The following SH3KBP1 variants were observed in gnomAD, a reference collection of about 807,000 sequenced individuals.
SH3KBP1 encodes the protein SH3 domain containing kinase binding protein 1.
In SH3KBP1, 8 loss-of-function variants were observed where a neutral mutation model predicts 50.1. That is an observed-to-expected ratio of 0.16 (90% CI 0.09 to 0.29). The LOEUF (loss-of-function observed/expected upper bound fraction) is 0.29, where lower values mean the gene tolerates loss of function less well. Ranked by LOEUF, SH3KBP1 falls within the 10% of genes least tolerant of loss-of-function variation. The pLI, the probability that SH3KBP1 is intolerant of heterozygous loss-of-function variation, is 1.00. For synonymous variants in SH3KBP1, 227 were observed against 218.6 expected, an observed-to-expected ratio of 1.04 and a Z score of -0.34; for missense variants, 377 against 535.2, an observed-to-expected ratio of 0.70 and a Z score of 2.92.
chrX:19,570,696 C>G (rs760759736), intron 12 of SH3KBP1, among the ~76,000 whole-genome samples: 35 of 111,893 alleles, frequency 3.1e-4, no homozygotes, highest in Non-Finnish European at 5.8e-4. Context: ...TGGCTCACAT[C>G]TATAATCCCA....
chrX:19,713,645 G>C (rs2063831808), intron 3 of SH3KBP1, among the ~76,000 whole-genome samples: 1 of 111,331 alleles, frequency 9.0e-6, no homozygotes, highest in African/African-American at 3.3e-5. Context: ...CATAGAATGT[G>C]TAGTGAACAA....
At chrX:19,874,063 A>T (rs1386566471) in intron 1 of SH3KBP1, among the ~76,000 whole-genome samples, 2 of 88,479 alleles carry the variant, frequency 2.3e-5, no homozygotes, top group East Asian at 6.1e-4. Flanking sequence ...AAAAAAAAAA[A>T]AAAAAATATA....
intron 1 of SH3KBP1, among the ~76,000 whole-genome samples, chrX:19,876,630 A>G (rs1211175035): frequency 9.0e-6 from 1 of 111,251 alleles, no homozygotes; most frequent in East Asian, 2.8e-4. Context: ...AAAGGAGGGG[A>G]AAATAACAGA....
intron 3 of SH3KBP1, among the ~76,000 whole-genome samples, chrX:19,739,287 C>T (rs1248499459): frequency 8.9e-6 from 1 of 112,052 alleles, no homozygotes; most frequent in African/African-American, 3.2e-5. Context: ...AAGAAGGGGG[C>T]TGCCTGTAGA....
chrX:19,770,874 T>G (rs192538409), intron 2 of SH3KBP1, among the ~76,000 whole-genome samples: 1 of 111,862 alleles, frequency 8.9e-6, no homozygotes, highest in Non-Finnish European at 1.9e-5. Context: ...TCATGTCCTT[T>G]GCCCACTTTT....
In SH3KBP1 at chrX:19,539,818, C is replaced by T. The variant is rs765507281; in HGVS notation, c.1893-2038G>A. ...ACCCTGGGCACGAAGGCCAGACTGA[C>T]GTAGGCAGCAAAAGGCAGGCCTTGG... is the stretch of plus-strand genomic sequence containing the variant. On this transcript the variant is annotated intron_variant, in intron 16 of 17. Coordinates refer to ENST00000397821, the MANE Select transcript of SH3KBP1 (RefSeq NM_031892.3). Among the ~76,000 whole-genome samples, 6 of 111,811 alleles carry T rather than the reference C, an allele frequency of 5.4e-5. No individual in the cohort carries two copies. The East Asian group carries it at 1.4e-3, about 26-fold the overall frequency.
At chrX:19,679,971 A>G (rs2063007551) in intron 6 of SH3KBP1, among the ~76,000 whole-genome samples, 1 of 112,120 alleles carries the variant, frequency 8.9e-6, no homozygotes, top group African/African-American at 3.3e-5. Context: ...ATGTTATACA[A>G]TATCTCTCCT....
chrX:19,580,524 G>T (rs1466570949), intron 12 of SH3KBP1, among the ~76,000 whole-genome samples: 2 of 111,574 alleles, frequency 1.8e-5, no homozygotes, highest in Non-Finnish European at 3.8e-5. Context: ...AGATGGCAGT[G>T]GTTCTCACAA....
intron 6 of SH3KBP1, among the ~76,000 whole-genome samples, chrX:19,654,146 T>A (rs935898354): frequency 1.8e-5 from 2 of 111,788 alleles, no homozygotes; most frequent in African/African-American, 6.5e-5. Context: ...TGTATACCAG[T>A]AGAATTTGAG....
chrX:19,694,859 C>T (rs974876239), intron 5 of SH3KBP1: 9 of 469,315 alleles, frequency 1.9e-5, no homozygotes, highest in Non-Finnish European at 2.5e-5. Flanking sequence ...GGAAATTCTG[C>T]AACCCCAGGT....
intron 2 of SH3KBP1, among the ~76,000 whole-genome samples, chrX:19,805,238 G>A (rs954498226): frequency 3.6e-5 from 4 of 110,509 alleles, no homozygotes; most frequent in Admixed American, 2.9e-4. Flanking sequence ...TGGCAGCATC[G>A]GCACTTGCAT....
chrX:19,567,861 C>CTTGA (rs1464053416), intron 13 of SH3KBP1, among the ~76,000 whole-genome samples: 1 of 109,884 alleles, frequency 9.1e-6, no homozygotes, highest in African/African-American at 3.3e-5. Context: ...AACTTATGAC[C>CTTGA]TTGATAGGTA....
chrX:19,573,454 T>C (rs1465932037), intron 12 of SH3KBP1, among the ~76,000 whole-genome samples: 1 of 105,790 alleles, frequency 9.5e-6, no homozygotes, highest in Non-Finnish European at 2.0e-5. Flanking sequence ...ATCAGGCTAA[T>C]TTTTGTATTT....
In SH3KBP1 at chrX:19,735,449, G is replaced by C. The variant is rs138805436; in HGVS notation, c.286+10869C>G. Among the ~76,000 whole-genome samples, 143 of 109,821 alleles carry C rather than the reference G, an allele frequency of 1.3e-3. 2 individuals carry two copies. The East Asian group carries it at 0.035, about 27-fold the overall frequency. Reference sequence around the variant, plus strand: ...TTTTTGTACATAGGCATTTGCAGCTGTCAGTTTCACTTGAAACACTGCTTT... The same window carrying C: ...TTTTTGTACATAGGCATTTGCAGCTCTCAGTTTCACTTGAAACACTGCTTT... On this transcript the variant is annotated intron_variant, in intron 3 of 17. Transcript: ENST00000397821.
Position 19,577,680 on chromosome X carries a change from A to G in SH3KBP1, c.1299-8492T>C, listed in dbSNP as rs375060763. On this transcript the variant is annotated intron_variant, in intron 12 of 17. Transcript: ENST00000397821. ...GTACAGACAAGGTGTTGAAGTGCAC[A>G]GGAAGCCAAGGCAAGCAAACAAACA... 1.5e-4 allele frequency among the ~76,000 whole-genome samples: 17 copies of G among 110,570 alleles called. 1 individual carries two copies. The East Asian group carries it at 3.4e-3, about 22-fold the overall frequency.
chrX:19,735,727 G>GT (rs1308041638), intron 3 of SH3KBP1, among the ~76,000 whole-genome samples: 1 of 71,312 alleles, frequency 1.4e-5, no homozygotes, highest in African/African-American at 5.7e-5. Flanking sequence ...TTTTTGGCGG[G>GT]GGGGGGGGGT....
At chrX:19,545,841 T>C (rs1953015127) in intron 15 of SH3KBP1, 81 bp downstream of exon 15, 2 of 1,055,815 alleles carry the variant, frequency 1.9e-6, no homozygotes, top group East Asian at 6.1e-5. Context: ...GCACTGTTTG[T>C]GTATCTTTGT....
At chrX:19,575,527 C>T (rs191600938) in intron 12 of SH3KBP1, among the ~76,000 whole-genome samples, 21 of 111,620 alleles carry the variant, frequency 1.9e-4, no homozygotes, top group Non-Finnish European at 3.8e-4. Context: ...AGTGGGATCT[C>T]TCCAGTCTCT....
intron 2 of SH3KBP1, among the ~76,000 whole-genome samples, chrX:19,808,167 G>A (rs2067105945): frequency 9.0e-6 from 1 of 110,802 alleles, no homozygotes; most frequent in African/African-American, 3.3e-5. Flanking sequence ...AAGAAGGGCA[G>A]TTCTCTAATA....
Sources: allele counts gnomAD v4.1 joint callset (sites outside exome capture counted in the v4.1 genomes callset), GRCh38; gene constraint gnomAD v4.1.1; transcripts MANE v1.5; gene names NCBI Gene and HGNC (gene_info 2026-07-23, HGNC 2026-07-21).